PCDH7: variants seen among roughly 807,000 people sequenced by gnomAD.
PCDH7 encodes the protein protocadherin 7.
Under a neutral mutation model 58.9 loss-of-function variants are expected in PCDH7, and 17 were observed. That is an observed-to-expected ratio of 0.29 (90% CI 0.20 to 0.43). PCDH7 has a LOEUF of 0.43. PCDH7 is among the 20% of genes least tolerant of loss of function. The pLI, the probability that PCDH7 is intolerant of heterozygous loss-of-function variation, is 1.00. For synonymous variants in PCDH7, 664 were observed against 616.4 expected, an observed-to-expected ratio of 1.08 and a Z score of -1.14; for missense variants, 1,274 against 1,441.0, an observed-to-expected ratio of 0.88 and a Z score of 1.88.
downstream of PCDH7, among the ~76,000 whole-genome samples, chr4:30,734,679 T>C (rs13105058): frequency 0.63 from 95,653 of 152,022 alleles, 30,921 homozygotes; most frequent in East Asian, 0.86. Flanking sequence ...GAGGGACTGC[T>C]GTCAAGTTTT....
At chr4:30,964,900 C>T (rs1251036219) in intron 3 of PCDH7, among the ~76,000 whole-genome samples, 6 of 152,072 alleles carry the variant, frequency 3.9e-5, no homozygotes, top group Non-Finnish European at 4.4e-5. Context: ...ATTCCATTGA[C>T]TAAGATTTTC....
Position 30,872,336 on chromosome 4 carries a change from T to C in PCDH7, c.71-47817T>C, listed in dbSNP as rs539853847. 2.6e-3 allele frequency among the ~76,000 whole-genome samples: 391 copies of C among 152,238 alleles called. 2 individuals are homozygous for C. Among genetic ancestry groups the C allele is most frequent in the African/African-American group, 9.1e-3 (378 of 41,564 alleles). ...ACTTTTGGCTTTGTGGGCCATACTA[T>C]CTGTCACAGTTTCTCAACTGTGCCA... On this transcript the variant is annotated intron_variant, in intron 1 of 3. Transcript: ENST00000509759.
chr4:30,922,884 C>T (rs910703085), intron 2 of PCDH7, among the ~76,000 whole-genome samples: 16 of 152,012 alleles, frequency 1.1e-4, no homozygotes, highest in Non-Finnish European at 2.2e-4. Flanking sequence ...TTGTTGGGTC[C>T]GTGTTTTCAG....
chr4:30,988,374 C>T (rs959463077), intron 3 of PCDH7, among the ~76,000 whole-genome samples: 3 of 152,138 alleles, frequency 2.0e-5, no homozygotes, highest in Non-Finnish European at 4.4e-5. Flanking sequence ...ACAGAATAGT[C>T]ACCTACATAC....
chr4:30,736,242 T>C (rs1180732570), downstream of PCDH7, among the ~76,000 whole-genome samples: 1 of 152,080 alleles, frequency 6.6e-6, no homozygotes, highest in East Asian at 1.9e-4. Context: ...AACAAAAATC[T>C]GTGGAATATT....
chr4:31,028,750 A>T (rs1754653549), intron 3 of PCDH7, among the ~76,000 whole-genome samples: 1 of 152,204 alleles, frequency 6.6e-6, no homozygotes, highest in Non-Finnish European at 1.5e-5. Flanking sequence ...ACAGTTCTTC[A>T]TGATGGATAA....
intron 3 of PCDH7, among the ~76,000 whole-genome samples, chr4:30,997,995 A>G (rs1752050394): frequency 6.6e-6 from 1 of 152,174 alleles, no homozygotes; most frequent in African/African-American, 2.4e-5. Flanking sequence ...GAGCAGTTCA[A>G]TTGAGCTATT....
chr4:30,772,823 G>A (rs1721585277), intron 1 of PCDH7, among the ~76,000 whole-genome samples: 1 of 152,156 alleles, frequency 6.6e-6, no homozygotes, highest in African/African-American at 2.4e-5. Flanking sequence ...TTTAGAAAGT[G>A]TTTTTACATG....
chr4:30,970,396 G>T (rs1408406217), intron 3 of PCDH7, among the ~76,000 whole-genome samples: 1 of 151,578 alleles, frequency 6.6e-6, no homozygotes, highest in Non-Finnish European at 1.5e-5. Context: ...CCGTGTTCAC[G>T]CCATTCTCCT....
intron 1 of PCDH7, among the ~76,000 whole-genome samples, chr4:30,908,320 G>A (rs1741269138): frequency 6.6e-6 from 1 of 151,548 alleles, no homozygotes; most frequent in Non-Finnish European, 1.5e-5. Context: ...GGAGTACATT[G>A]ATTAAAAATT....
chr4:30,939,168 A>G (rs1332560059), intron 2 of PCDH7, among the ~76,000 whole-genome samples: 1 of 152,160 alleles, frequency 6.6e-6, no homozygotes. Flanking sequence ...GGTCTCAACA[A>G]GAAACCCCAA....
At chr4:31,106,793 C>G (rs1430002730) in intron 3 of PCDH7, among the ~76,000 whole-genome samples, 1 of 152,096 alleles carries the variant, frequency 6.6e-6, no homozygotes, top group African/African-American at 2.4e-5. Flanking sequence ...GAAGTATGGT[C>G]CATTTAGGAT....
At chr4:30,834,921 G>A (rs4493494) in intron 1 of PCDH7, among the ~76,000 whole-genome samples, 85,755 of 148,624 alleles carry the variant, frequency 0.58, 25,368 homozygotes, top group African/African-American at 0.76. Context: ...ATATATATGT[G>A]TATATATATA....
chr4:31,069,797 A>G (rs941028864), intron 3 of PCDH7, among the ~76,000 whole-genome samples: 1 of 111,054 alleles, frequency 9.0e-6, no homozygotes, highest in Admixed American at 1.0e-4. Context: ...GTATTAATCC[A>G]TAAGATAGTA....
intron 3 of PCDH7, among the ~76,000 whole-genome samples, chr4:31,061,813 G>A (rs138175616): frequency 3.9e-4 from 59 of 151,828 alleles, no homozygotes; most frequent in African/African-American, 1.3e-3. Context: ...GTTTGACTGA[G>A]CTGACCTTTG....
At chr4:30,936,484 A>G (rs1311536910) in intron 2 of PCDH7, among the ~76,000 whole-genome samples, 1 of 152,110 alleles carries the variant, frequency 6.6e-6, no homozygotes, top group Non-Finnish European at 1.5e-5. Flanking sequence ...TTTGTTTGAT[A>G]TTTAATAGAA....
intron 3 of PCDH7, among the ~76,000 whole-genome samples, chr4:31,080,059 A>G (rs1490583041): frequency 6.6e-6 from 1 of 152,182 alleles, no homozygotes; most frequent in Non-Finnish European, 1.5e-5. Flanking sequence ...TTCCTGCAAT[A>G]AGATAAAAGC....
chr4:30,894,444 G>A (rs1439060555), intron 1 of PCDH7, among the ~76,000 whole-genome samples: 2 of 116,724 alleles, frequency 1.7e-5, no homozygotes, highest in Admixed American at 2.2e-4. Context: ...GCCCTGGTCT[G>A]GAGACCAGTT....
chr4:31,093,764 G>GCAAC (rs1560217901), intron 3 of PCDH7, among the ~76,000 whole-genome samples: 1 of 151,978 alleles, frequency 6.6e-6, no homozygotes, highest in Non-Finnish European at 1.5e-5. Context: ...ACGTTGAAAG[G>GCAAC]CAACCACATG....
Sources: allele counts gnomAD v4.1 joint callset (sites outside exome capture counted in the v4.1 genomes callset), GRCh38; gene constraint gnomAD v4.1.1; transcripts MANE v1.5; gene names NCBI Gene and HGNC (gene_info 2026-07-23, HGNC 2026-07-21).